Variants in HACD3 observed in about 807,000 individuals in gnomAD.
HACD3 encodes very-long-chain (3R)-3-hydroxyacyl-CoA dehydratase 3.
Under a neutral mutation model 55.2 loss-of-function variants are expected in HACD3, and 30 were observed. That is an observed-to-expected ratio of 0.54 (90% CI 0.41 to 0.74). The LOEUF (loss-of-function observed/expected upper bound fraction) is 0.74. Ranked by LOEUF, HACD3 falls within the 30% of genes least tolerant of loss-of-function variation. HACD3 has a pLI of 0.00. For synonymous variants in HACD3, 141 were observed against 151.7 expected (o/e 0.93, Z 0.52); for missense variants, 363 against 440.1 (o/e 0.82, Z 1.57).
chr15:65,555,607 A>G (rs2072181456), intron 3 of HACD3, among the ~76,000 whole-genome samples: 1 of 152,230 alleles, frequency 6.6e-6, no homozygotes, highest in African/African-American at 2.4e-5. Context: ...TTGAGAAAGC[A>G]TGAATAATAA....
chr15:65,557,921 C>T (rs2072209139), intron 4 of HACD3, among the ~76,000 whole-genome samples: 2 of 148,328 alleles, frequency 1.3e-5, no homozygotes, highest in South Asian at 2.1e-4. Flanking sequence ...TTTGAGAAAG[C>T]GCCATCATTA....
chr15:65,561,809 C>T (rs2072247124), intron 5 of HACD3, among the ~76,000 whole-genome samples: 1 of 152,182 alleles, frequency 6.6e-6, no homozygotes, highest in Admixed American at 6.5e-5. Flanking sequence ...CACCCCTGCC[C>T]CCAGCCTGTC....
rs188126855 is a variant in HACD3 at position 65,551,424 on chromosome 15, G to A, written c.88-252G>A. Among the ~76,000 whole-genome samples the A allele has an allele frequency of 2.0e-5, 3 of 152,318 alleles. No individual in the cohort carries two copies. The East Asian group carries it at 5.8e-4, about 29-fold the overall frequency. On this transcript the variant is annotated intron_variant, in intron 1 of 10. Coordinates refer to ENST00000261875, the MANE Select transcript of HACD3 (RefSeq NM_016395.4). ...GCCATTTTCAGAATGGACTAATTCAGTACTTGATTGTTTGCACAGTTAGAG... is the reference window on the plus strand; with the variant it reads ...GCCATTTTCAGAATGGACTAATTCAATACTTGATTGTTTGCACAGTTAGAG...
intron 1 of HACD3, among the ~76,000 whole-genome samples, chr15:65,545,455 A>ATT (rs1166511305): frequency 4.2e-5 from 6 of 141,224 alleles, no homozygotes; most frequent in Admixed American, 7.1e-5. Flanking sequence ...TGGATCCTGG[A>ATT]TTTTTTTTTT....
chr15:65,539,110 C>G (rs1441081107), intron 1 of HACD3, among the ~76,000 whole-genome samples: 1 of 151,008 alleles, frequency 6.6e-6, no homozygotes, highest in African/African-American at 2.4e-5. Context: ...CAAGGTATGC[C>G]TGTAAATTAA....
chr15:65,574,004 TA>T (rs1422940707), intron 10 of HACD3, among the ~76,000 whole-genome samples: 1 of 152,212 alleles, frequency 6.6e-6, no homozygotes, highest in Non-Finnish European at 1.5e-5. Flanking sequence ...ACAAAAGACT[TA>T]AGGTGGCCCT....
chr15:65,571,000 C>T (rs2072342727), intron 8 of HACD3, among the ~76,000 whole-genome samples: 1 of 152,130 alleles, frequency 6.6e-6, no homozygotes, highest in Non-Finnish European at 1.5e-5. Flanking sequence ...GCTGATGTAA[C>T]AAGGTTTGAG....
intron 7 of HACD3, 30 bp from the exon 8 acceptor site, chr15:65,570,061 T>C: frequency 7.0e-7 from 1 of 1,426,822 alleles, no homozygotes. Flanking sequence ...TTTTATTAAC[T>C]TTTTTCTCTC....
At chr15:65,553,237 C>T (rs2072153426) in intron 2 of HACD3, 1 of 151,876 alleles carries the variant, frequency 6.6e-6, no homozygotes, top group Admixed American at 6.6e-5. Context: ...TTATTACATC[C>T]CTTCTCACTA....
At chr15:65,576,077 G>C (rs2072397906) in intron 10 of HACD3, among the ~76,000 whole-genome samples, 1 of 152,246 alleles carries the variant, frequency 6.6e-6, no homozygotes. Flanking sequence ...CTGGGTGACA[G>C]AATGAGACCC....
intron 10 of HACD3, among the ~76,000 whole-genome samples, chr15:65,575,188 G>GGTTT (rs1567342220): frequency 7.3e-6 from 1 of 137,274 alleles, no homozygotes; most frequent in Non-Finnish European, 1.6e-5. Flanking sequence ...GGACTTTTTA[G>GGTTT]TTTTTTTTTT....
chr15:65,558,362 G>A (rs2072214371), intron 4 of HACD3, among the ~76,000 whole-genome samples: 2 of 152,126 alleles, frequency 1.3e-5, no homozygotes, highest in Non-Finnish European at 2.9e-5. Flanking sequence ...TTAAACTTCT[G>A]TTTTATTTCT....
At chr15:65,549,687 C>T (rs935878299) in intron 1 of HACD3, among the ~76,000 whole-genome samples, 2 of 151,298 alleles carry the variant, frequency 1.3e-5, no homozygotes, top group African/African-American at 4.9e-5. Flanking sequence ...AACCGTATTT[C>T]AGAGAGGACT....
At chr15:65,572,915 A>C (rs1375535134) in intron 10 of HACD3, among the ~76,000 whole-genome samples, 1 of 102,388 alleles carries the variant, frequency 9.8e-6, no homozygotes, top group African/African-American at 3.5e-5. Flanking sequence ...ACTTTGTCTC[A>C]AAAAAAAAAA....
chr15:65,575,463 C>T (rs918246772), intron 10 of HACD3, among the ~76,000 whole-genome samples: 5 of 152,106 alleles, frequency 3.3e-5, no homozygotes, highest in African/African-American at 7.2e-5. Flanking sequence ...GCTGAGATTA[C>T]GGTCGTGAGC....
chr15:65,570,935 T>C (rs2072341912), intron 8 of HACD3, among the ~76,000 whole-genome samples: 1 of 152,180 alleles, frequency 6.6e-6, no homozygotes, highest in Admixed American at 6.5e-5. Flanking sequence ...ATAGCCTTAA[T>C]ACAAAGGTAA....
chr15:65,545,059 G>A (rs1212301131), intron 1 of HACD3, among the ~76,000 whole-genome samples: 1 of 151,720 alleles, frequency 6.6e-6, no homozygotes, highest in Non-Finnish European at 1.5e-5. Flanking sequence ...ATAATTTTGT[G>A]ACCTCCAGTG....
intron 1 of HACD3, among the ~76,000 whole-genome samples, chr15:65,549,357 G>T (rs1339821321): frequency 6.6e-6 from 1 of 150,758 alleles, no homozygotes; most frequent in Non-Finnish European, 1.5e-5. Flanking sequence ...GGAGGCCGAG[G>T]TGGGCGGATC....
chr15:65,562,378 A>G (rs2072251939), intron 5 of HACD3, among the ~76,000 whole-genome samples: 1 of 151,772 alleles, frequency 6.6e-6, no homozygotes, highest in Admixed American at 6.5e-5. Flanking sequence ...TCTGAGGCCT[A>G]AAGTGTCCCA....
Sources: gnomAD v4.1 joint callset for allele counts (sites outside exome capture counted in the v4.1 genomes callset) on GRCh38, gnomAD v4.1.1 for gene constraint, MANE v1.5 for transcripts, NCBI Gene and HGNC (gene_info 2026-07-23, HGNC 2026-07-21) for gene names.